Variants in RECQL observed in about 807,000 individuals in gnomAD.
RECQL encodes the protein ATP-dependent DNA helicase Q1.
RECQL carries 73 observed loss-of-function variants against 75.8 expected under a neutral mutation model. The observed-to-expected ratio is 0.96, with a 90% CI of 0.80 to 1.17. The LOEUF (loss-of-function observed/expected upper bound fraction) is 1.17, where lower values mean the gene tolerates loss of function less well. RECQL is among the 50% of genes most tolerant of loss of function. The pLI is 0.00. For synonymous variants in RECQL, 248 were observed against 254.4 expected, an observed-to-expected ratio of 0.97 and a Z score of 0.24; for missense variants, 699 against 772.1, an observed-to-expected ratio of 0.91 and a Z score of 1.12.
At position 21,485,223 on chromosome 12, in the gene RECQL, A is replaced by G. The variant is rs866216758; in HGVS notation, c.501+1256T>C. On this transcript the variant is annotated intron_variant, in intron 5 of 14. Transcript: ENST00000444129. The stretch of plus-strand genomic sequence containing the variant: ...AGTATACTCTTGCAAAAAAAAAAAA[A>G]AAAGTTAAAGAAAAATTCCAAATAC... 8.6e-5 allele frequency among the ~76,000 whole-genome samples: 13 copies of G among 151,608 alleles called. 1 individual carries two copies. In the South Asian group the frequency reaches 2.7e-3, roughly 31 times the overall value.
At chr12:21,482,213 G>A (rs1212185676) in intron 6 of RECQL, among the ~76,000 whole-genome samples, 3 of 151,882 alleles carry the variant, frequency 2.0e-5, no homozygotes, top group Non-Finnish European at 4.4e-5. Flanking sequence ...AGGATGAAAC[G>A]GGAGTGGTCA....
At position 21,471,026 on chromosome 12, in the gene RECQL, G is replaced by T. The variant is rs1195599347; in HGVS notation, c.1740C>A (p.Asn580Lys). The stretch of plus-strand genomic sequence containing the variant: ...GCATAGTAATAGCATGTGCCTCATT[G>T]TTCAGAAGATTAGCTTTAGGTCCTA... Reference protein sequence around the residue: ...LKIGPKANLLNNEAHAITMQV... With the variant: ...LKIGPKANLLKNEAHAITMQV... Residue 580 changes from asparagine (N) to lysine (K), a missense_variant, in exon 14 of 15, where the codon AAC (asparagine) becomes AAA (lysine). By Grantham distance (94) the Asn-to-Lys change is moderately conservative. This residue lies in a region of RECQL where 669 missense variants were observed against 713.5 expected (regional missense o/e 0.94). Coordinates refer to ENST00000444129, the MANE Select transcript of RECQL (RefSeq NM_002907.4). 21 of 1,599,870 alleles carry T rather than the reference G, an allele frequency of 1.3e-5. No homozygotes were observed. The highest frequency in any genetic ancestry group is 1.8e-5 in the Non-Finnish European group (21 of 1,174,412).
chr12:21,481,453 G>A (rs1206218669), intron 6 of RECQL, among the ~76,000 whole-genome samples: 1 of 151,988 alleles, frequency 6.6e-6, no homozygotes, highest in Non-Finnish European at 1.5e-5. Flanking sequence ...CTTAAGCAAG[G>A]GTGATAATCA....
At chr12:21,497,283 T>C (rs1320333625) in intron 2 of RECQL, among the ~76,000 whole-genome samples, 1 of 152,098 alleles carries the variant, frequency 6.6e-6, no homozygotes, top group Non-Finnish European at 1.5e-5. Context: ...CCTCAACCTG[T>C]AGCTATAACC....
In RECQL at chr12:21,486,504, G is replaced by T; in HGVS notation, c.476C>A (p.Thr159Asn). ...MVLKQLGISA[T>N]MLNASSSKEH... is the part of the protein sequence containing the mutation. The stretch of plus-strand genomic sequence containing the variant: ...CTTAGAACTAGAAGCATTTAACATG[G>T]TTGCTGAAATTCCTAATTGTTTTAA... The change falls in exon 5 of 15, where the codon ACC (threonine) becomes AAC (asparagine). Residue 159 changes from threonine to asparagine, a missense_variant. Physicochemically the swap from Thr to Asn is moderately conservative, Grantham distance 65 (BLOSUM62 0). Coordinates refer to ENST00000444129, the MANE Select transcript of RECQL (RefSeq NM_002907.4). The T allele has an allele frequency of 6.3e-7, 1 of 1,596,884 alleles. No individual in the cohort carries two copies. The highest frequency in any genetic ancestry group is 2.2e-5 in the East Asian group (1 of 44,622).
At chr12:21,475,085 G>T in intron 10 of RECQL, 106 bp from the exon 11 acceptor site, 1 of 1,108,422 alleles carries the variant, frequency 9.0e-7, no homozygotes, top group Non-Finnish European at 1.3e-6. Context: ...ACTACATCTA[G>T]AAATTTTAGA....
Position 21,484,805 on chromosome 12 carries a change from T to C in RECQL, c.502-1231A>G, listed in dbSNP as rs1943258821. 3.9e-5 allele frequency among the ~76,000 whole-genome samples: 6 copies of C among 151,914 alleles called. No homozygotes were observed. In the South Asian group the frequency reaches 1.2e-3, roughly 32 times the overall value. ...GGTGAATCATATTATACGTCAAAGCTTGTAAGTTTATAGTGATACTTGGGG... is the reference window on the plus strand; with the variant it reads ...GGTGAATCATATTATACGTCAAAGCCTGTAAGTTTATAGTGATACTTGGGG... On this transcript the variant is annotated intron_variant, in intron 5 of 14. Transcript: ENST00000444129.
chr12:21,475,254 C>T (rs1471122712), intron 10 of RECQL, among the ~76,000 whole-genome samples: 11 of 151,944 alleles, frequency 7.2e-5, no homozygotes, highest in Non-Finnish European at 1.6e-4. Context: ...AGATGAACAT[C>T]AAATTATCTT....
At chr12:21,490,684 T>C (rs544068735) in intron 3 of RECQL, among the ~76,000 whole-genome samples, 1 of 152,144 alleles carries the variant, frequency 6.6e-6, no homozygotes, top group African/African-American at 2.4e-5. Context: ...ACTCTATCCC[T>C]ATAAAAAAAT....
intron 4 of RECQL, among the ~76,000 whole-genome samples, chr12:21,488,613 C>T (rs377659658): frequency 2.0e-5 from 3 of 152,284 alleles, no homozygotes; most frequent in South Asian, 2.1e-4. Context: ...AGAGTTCTTT[C>T]GCCAATGTAC....
intron 4 of RECQL, among the ~76,000 whole-genome samples, chr12:21,488,502 C>T (rs568911131): frequency 1.8e-4 from 28 of 152,312 alleles, no homozygotes; most frequent in South Asian, 1.7e-3. Flanking sequence ...TAGACACAAA[C>T]ATCCTCCTAC....
At chr12:21,487,307 C>G (rs896259497) in intron 4 of RECQL, among the ~76,000 whole-genome samples, 1 of 152,080 alleles carries the variant, frequency 6.6e-6, no homozygotes, top group Non-Finnish European at 1.5e-5. Flanking sequence ...TTTAATTATA[C>G]AGTAGTGTGT....
At chr12:21,482,768 A>T (rs1943216663) in intron 6 of RECQL, among the ~76,000 whole-genome samples, 1 of 152,230 alleles carries the variant, frequency 6.6e-6, no homozygotes, top group South Asian at 2.1e-4. Context: ...GAAGGAAAAC[A>T]GGTTGAAGCC....
intron 2 of RECQL, among the ~76,000 whole-genome samples, chr12:21,495,731 A>G (rs1165391094): frequency 6.6e-6 from 1 of 152,234 alleles, no homozygotes; most frequent in Non-Finnish European, 1.5e-5. Flanking sequence ...AAGTGAGGTG[A>G]TCAATGCAGC....
intron 3 of RECQL, among the ~76,000 whole-genome samples, 162 bp downstream of exon 3, chr12:21,491,357 C>T (rs1253320742): frequency 1.3e-5 from 2 of 152,050 alleles, no homozygotes. Flanking sequence ...CTACAGAACA[C>T]AGGGAAAGAA....
At chr12:21,478,991 T>C (rs184869323) in intron 6 of RECQL, among the ~76,000 whole-genome samples, 2 of 152,282 alleles carry the variant, frequency 1.3e-5, no homozygotes, top group African/African-American at 4.8e-5. Flanking sequence ...ACCAGAGACC[T>C]TTCCACGAGC....
intron 8 of RECQL, among the ~76,000 whole-genome samples, 192 bp from the exon 9 acceptor site, chr12:21,476,016 G>A (rs1943081227): frequency 6.6e-6 from 1 of 152,094 alleles, no homozygotes; most frequent in Admixed American, 6.5e-5. Context: ...TTCCTTTAAA[G>A]CAGAAATGAG....
In RECQL at chr12:21,499,411, A is replaced by C. The variant is rs986658899; in HGVS notation, c.16+144T>G. On this transcript the variant is annotated intron_variant, in intron 2 of 14. Transcript: ENST00000444129. ...TCACTTAATAATGGTTAGCATGGCA[A>C]AGTTTGTAATGTGTATTTTACTTCA... 12 of 708,584 alleles carry C rather than the reference A, an allele frequency of 1.7e-5. No individual in the cohort carries two copies. The African/African-American group carries it at 2.2e-4, about 13-fold the overall frequency. The allele number at this position is 708,584 out of a possible 1,614,324, so 43.9% of individuals were successfully genotyped here.
At chr12:21,477,021 A>G (rs757015434) in intron 7 of RECQL, 29 bp from the exon 8 acceptor site, 1 of 1,518,050 alleles carries the variant, frequency 6.6e-7, no homozygotes, top group South Asian at 1.2e-5. Flanking sequence ...ATTAAAAAGT[A>G]AATGAATGAG....
Sources: allele counts gnomAD v4.1 joint callset (sites outside exome capture counted in the v4.1 genomes callset), GRCh38; gene constraint gnomAD v4.1.1; regional missense constraint gnomAD v4.1.1; transcripts MANE v1.5; gene names NCBI Gene and HGNC (gene_info 2026-07-23, HGNC 2026-07-21).